The following DNTTIP1 variants were observed in gnomAD, a reference collection of about 807,000 sequenced individuals.
The protein encoded by DNTTIP1 is deoxynucleotidyltransferase terminal-interacting protein 1.
A neutral mutation model predicts 52.9 loss-of-function variants in DNTTIP1; 22 were observed. That is an observed-to-expected ratio of 0.42 (90% CI 0.30 to 0.59). The LOEUF is 0.59. DNTTIP1 is among the 20% of genes least tolerant of loss of function. DNTTIP1 has a pLI of 0.22. For missense variants in DNTTIP1, 286 were observed against 435.5 expected (o/e 0.66, Z 3.06); for synonymous variants, 136 against 155.1 (o/e 0.88, Z 0.92).
chr20:45,802,073 C>T lies in DNTTIP1; in HGVS notation c.557+16C>T, dbSNP rs916974570. 2.5e-6 allele frequency: 4 copies of T among 1,613,850 alleles called. No homozygotes were observed. Among genetic ancestry groups the T allele is most frequent in the Non-Finnish European group, 3.4e-6 (4 of 1,179,924 alleles). On this transcript the variant is annotated intron_variant, in intron 7 of 12. Transcript: ENST00000372622. ...CCGGCATGGTGTGAGTAGGGACCAA[C>T]AGTGTGGTGAGAGCATAGGGGAGCA... is the stretch of plus-strand genomic sequence containing the variant.
At chr20:45,805,060 G>C in intron 8 of DNTTIP1, 86 bp from the exon 9 acceptor site, 1 of 1,160,650 alleles carries the variant, frequency 8.6e-7, no homozygotes, top group Non-Finnish European at 1.3e-6. Context: ...AAGGGGAAGG[G>C]TTAGAAAAGG....
intron 3 of DNTTIP1, among the ~76,000 whole-genome samples, chr20:45,794,875 C>G (rs1242529896): frequency 6.6e-6 from 1 of 151,246 alleles, no homozygotes; most frequent in African/African-American, 2.4e-5. Context: ...TCTTGGCTCA[C>G]TGCAACCTCC....
chr20:45,810,226 C>T (rs901019572), intron 11 of DNTTIP1, among the ~76,000 whole-genome samples: 1 of 152,128 alleles, frequency 6.6e-6, no homozygotes, highest in East Asian at 1.9e-4. Flanking sequence ...AGAAGACTTT[C>T]TAATATGATG....
chr20:45,799,461 C>T (rs1486096509), intron 4 of DNTTIP1, among the ~76,000 whole-genome samples: 1 of 152,190 alleles, frequency 6.6e-6, no homozygotes, highest in Non-Finnish European at 1.5e-5. Flanking sequence ...TTTTCTTTGT[C>T]AAATGAGCCA....
At chr20:45,793,414 A>C (rs1037675650) in intron 2 of DNTTIP1, among the ~76,000 whole-genome samples, 1 of 120,552 alleles carries the variant, frequency 8.3e-6, no homozygotes, top group Non-Finnish European at 1.7e-5. Flanking sequence ...AATAACAAAA[A>C]ATTGGCCGGG....
At chr20:45,800,455 C>T (rs188638808) in intron 4 of DNTTIP1, among the ~76,000 whole-genome samples, 174 of 151,566 alleles carry the variant, frequency 1.1e-3, no homozygotes, top group African/African-American at 3.9e-3. Flanking sequence ...AGGTGGATCA[C>T]CTGAGGTTAA....
chr20:45,807,312 G>A (rs1407723113), intron 10 of DNTTIP1, among the ~76,000 whole-genome samples: 1 of 151,862 alleles, frequency 6.6e-6, no homozygotes, highest in Non-Finnish European at 1.5e-5. Flanking sequence ...AGTAGAGATG[G>A]GGTTTCACCA....
At chr20:45,794,096 C>CATACAGA in intron 3 of DNTTIP1, 79 bp downstream of exon 3, 2 of 828,712 alleles carry the variant, frequency 2.4e-6, no homozygotes. Flanking sequence ...ACCAGTCTGT[C>CATACAGA]TCTTTCCTAC....
At chr20:45,798,769 G>C (rs1438526422) in intron 4 of DNTTIP1, among the ~76,000 whole-genome samples, 1 of 152,146 alleles carries the variant, frequency 6.6e-6, no homozygotes, top group African/African-American at 2.4e-5. Flanking sequence ...AAAATCTTGA[G>C]CTTTACAAGA....
At chr20:45,806,739 C>T (rs1981663085) in intron 10 of DNTTIP1, among the ~76,000 whole-genome samples, 1 of 152,232 alleles carries the variant, frequency 6.6e-6, no homozygotes, top group Non-Finnish European at 1.5e-5. Context: ...ATCCTCGAGT[C>T]CCAACACTTA....
In DNTTIP1 at chr20:45,803,389, G is replaced by A; in HGVS notation, c.603+11G>A. On this transcript the variant is annotated intron_variant, in intron 8 of 12. Coordinates refer to ENST00000372622, the MANE Select transcript of DNTTIP1 (RefSeq NM_052951.3). The stretch of plus-strand genomic sequence containing the variant: ...CGGGAAGGCCCCAAGGTATGATTAT[G>A]TGAGCATGGCAGAGATCACGATCCC... 6.2e-7 allele frequency: 1 copy of A among 1,614,098 alleles called. No homozygotes were observed. The highest frequency in any genetic ancestry group is 8.5e-7 in the Non-Finnish European group (1 of 1,179,986).
rs1177083176 is a variant in DNTTIP1, at chr20:45,809,590, C to T, written c.795+405C>T. On this transcript the variant is annotated intron_variant, in intron 11 of 12. Transcript: ENST00000372622. The surrounding 1 kb of genome is among the most constrained non-coding windows in gnomAD (Gnocchi z 4.2). The stretch of plus-strand genomic sequence containing the variant: ...CAACACAGTACTTGAGGCAGCAACC[C>T]TTGTCAGTAGGAGTTAGCAATGAAA... 6.6e-6 allele frequency among the ~76,000 whole-genome samples: 1 copy of T among 152,228 alleles called. No homozygotes were observed.
In DNTTIP1 at chr20:45,794,139, T is replaced by TTTTTG. The variant is rs778011252; in HGVS notation, c.273+139_273+143dup. 5.7e-4 allele frequency: 322 copies of TTTTTG among 562,006 alleles called. 1 individual carries two copies. The highest frequency in any genetic ancestry group is 1.7e-3 in the Admixed American group (43 of 24,642). The allele number at this position is 562,006 out of a possible 1,614,324, so 34.8% of individuals were successfully genotyped here. A position where few individuals can be genotyped will look rare whatever the true frequency, so the allele number is the denominator to read the frequency against. The stretch of plus-strand genomic sequence containing the variant: ...TATCTAAAGTTTTCCTTTCTTGTTG[T>TTTTTG]TTTTGTTTTGTTTTGTTTTGTGTTT... On this transcript the variant is annotated intron_variant, in intron 3 of 12. Coordinates refer to ENST00000372622, the MANE Select transcript of DNTTIP1 (RefSeq NM_052951.3).
At chr20:45,803,268 C>T (rs1455980388) in intron 7 of DNTTIP1, 65 bp from the exon 8 acceptor site, 9 of 1,534,730 alleles carry the variant, frequency 5.9e-6, no homozygotes, top group Non-Finnish European at 8.1e-6. Flanking sequence ...CCACCACCAG[C>T]AAGCTGGCAT....
intron 4 of DNTTIP1, among the ~76,000 whole-genome samples, chr20:45,798,262 C>T (rs1981307964): frequency 1.4e-5 from 2 of 146,278 alleles, no homozygotes; most frequent in South Asian, 2.1e-4. Flanking sequence ...TGTTCTCACT[C>T]ATGGGTGGGA....
chr20:45,800,995 A>AG, intron 4 of DNTTIP1, 79 bp from the exon 5 acceptor site: 1 of 257,040 alleles, frequency 3.9e-6, no homozygotes, highest in Non-Finnish European at 5.6e-6. Context: ...CTCTGTCTCC[A>AG]AAAAAAAAAA....
intron 5 of DNTTIP1, 112 bp downstream of exon 5, chr20:45,801,254 C>T (rs2145701986): frequency 1.5e-6 from 2 of 1,375,938 alleles, no homozygotes; most frequent in Admixed American, 1.7e-5. Context: ...TAGGACCAGG[C>T]CCACACAGCA....
chr20:45,811,291 A>C lies in DNTTIP1; in HGVS notation c.*96A>C. On this transcript the variant is annotated 3_prime_UTR_variant, in exon 13 of 13. Transcript: ENST00000372622. ...CTGGGACTGCTCCTAGATGGATCTC[A>C]GCGGCATTAAGCTGTGCCTGAGCGA... 5.0e-5 allele frequency: 70 copies of C among 1,410,796 alleles called. No homozygotes were observed. The highest frequency in any genetic ancestry group is 6.1e-5 in the Non-Finnish European group (64 of 1,049,596). 87.4% of individuals were successfully genotyped at this position (1,410,796 alleles called of 1,614,324 possible).
At chr20:45,793,628 AGG>A (rs1292544649) in intron 2 of DNTTIP1, among the ~76,000 whole-genome samples, 1 of 152,276 alleles carries the variant, frequency 6.6e-6, no homozygotes, top group East Asian at 1.9e-4. Context: ...TGAACCCAGG[AGG>A]CAGAGGTTGC....
Sources: gnomAD v4.1 joint callset for allele counts (sites outside exome capture counted in the v4.1 genomes callset) on GRCh38, gnomAD v4.1.1 for gene constraint, Gnocchi (gnomAD v3.1) non-coding constraint, MANE v1.5 for transcripts, NCBI Gene and HGNC (gene_info 2026-07-23, HGNC 2026-07-21) for gene names.